SNTG1: variants seen among roughly 807,000 people sequenced by gnomAD.
SNTG1 encodes the protein gamma-1-syntrophin.
A neutral mutation model predicts 74.7 loss-of-function variants in SNTG1; 39 were observed. That is an observed-to-expected ratio of 0.52 (90% CI 0.40 to 0.68). The LOEUF is 0.68. Ranked by LOEUF, SNTG1 falls within the 30% of genes least tolerant of loss-of-function variation. The pLI, the probability that SNTG1 is intolerant of heterozygous loss-of-function variation, is 0.00. For missense variants in SNTG1, 685 were observed against 609.5 expected (o/e 1.12, Z -1.30); for synonymous variants, 254 against 217.1 (o/e 1.17, Z -1.49).
chr8:50,148,200 C>T lies in SNTG1; in HGVS notation c.-102-24361C>T, dbSNP rs537669665. ...AAATAAACATACATGAATATGAATTCATACTGGTATAAAAATGATTATGAA... is the reference window on the plus strand; with the variant it reads ...AAATAAACATACATGAATATGAATTTATACTGGTATAAAAATGATTATGAA... On this transcript the variant is annotated intron_variant, in intron 1 of 18. Coordinates refer to ENST00000642720, the MANE Select transcript of SNTG1 (RefSeq NM_018967.5). Among the ~76,000 whole-genome samples the T allele has an allele frequency of 3.3e-5, 5 of 152,004 alleles. No individual in the cohort carries two copies. The South Asian group carries it at 1.0e-3, about 32-fold the overall frequency.
At chr8:50,241,850 A>G (rs1187719511) in intron 2 of SNTG1, among the ~76,000 whole-genome samples, 2 of 152,094 alleles carry the variant, frequency 1.3e-5, no homozygotes, top group African/African-American at 4.8e-5. Context: ...CGCAGGTAGA[A>G]CTTGGGAAGC....
chr8:50,104,392 G>C (rs2080280679), intron 1 of SNTG1, among the ~76,000 whole-genome samples: 1 of 152,086 alleles, frequency 6.6e-6, no homozygotes, highest in Non-Finnish European at 1.5e-5. Flanking sequence ...GTATTTCTGT[G>C]GGATCGGTGC....
chr8:49,961,794 T>C (rs988740281), intron 1 of SNTG1, among the ~76,000 whole-genome samples: 3 of 152,182 alleles, frequency 2.0e-5, no homozygotes, highest in Admixed American at 6.5e-5. Flanking sequence ...AATTTGGAAC[T>C]CCTGTCACCC....
chr8:50,780,164 CT>C (rs1037348001), intron 18 of SNTG1, among the ~76,000 whole-genome samples: 8 of 152,114 alleles, frequency 5.3e-5, no homozygotes, highest in African/African-American at 1.7e-4. Context: ...CTAAAATTCT[CT>C]TTTTTGGTTA....
intron 13 of SNTG1, among the ~76,000 whole-genome samples, chr8:50,599,353 G>A (rs2094755897): frequency 6.6e-6 from 1 of 151,854 alleles, no homozygotes; most frequent in African/African-American, 2.4e-5. Flanking sequence ...TGGATATTTT[G>A]TGGTTCCAAA....
intron 2 of SNTG1, among the ~76,000 whole-genome samples, chr8:50,350,875 G>C (rs1329257288): frequency 5.9e-5 from 9 of 152,178 alleles, no homozygotes; most frequent in Admixed American, 1.3e-4. Flanking sequence ...GCAGGATGTG[G>C]GTGGGGCCAG....
At chr8:49,921,089 CCTAT>C (rs1374434077) in intron 1 of SNTG1, among the ~76,000 whole-genome samples, 2 of 151,990 alleles carry the variant, frequency 1.3e-5, no homozygotes, top group African/African-American at 4.8e-5. Context: ...TAAAACCTGA[CCTAT>C]CTAACTCAGA....
chr8:50,355,968 C>G (rs1384626584), intron 2 of SNTG1, among the ~76,000 whole-genome samples: 3 of 152,128 alleles, frequency 2.0e-5, no homozygotes, highest in African/African-American at 7.2e-5. Flanking sequence ...TCACAACACC[C>G]CATGTAATAT....
At chr8:50,303,981 G>C (rs1486614203) in intron 2 of SNTG1, among the ~76,000 whole-genome samples, 6 of 152,110 alleles carry the variant, frequency 3.9e-5, no homozygotes, top group Admixed American at 3.9e-4. Flanking sequence ...AAACAGATAT[G>C]TTTGCACTTT....
intron 1 of SNTG1, among the ~76,000 whole-genome samples, chr8:49,967,106 G>T (rs2220157): frequency 2.6e-5 from 4 of 151,980 alleles, no homozygotes; most frequent in Non-Finnish European, 5.9e-5. Flanking sequence ...TCCCAAGGGC[G>T]TAAGTATTTT....
At chr8:50,064,217 A>G (rs1298126750) in intron 1 of SNTG1, among the ~76,000 whole-genome samples, 1 of 152,224 alleles carries the variant, frequency 6.6e-6, no homozygotes, top group Non-Finnish European at 1.5e-5. Context: ...TGACTAAAAC[A>G]GAAGCTTTGA....
At chr8:50,373,319 C>A (rs1006714843) in intron 2 of SNTG1, among the ~76,000 whole-genome samples, 2 of 152,156 alleles carry the variant, frequency 1.3e-5, no homozygotes, top group African/African-American at 4.8e-5. Flanking sequence ...ATGTTATGAG[C>A]TCAAATATGG....
chr8:50,723,339 C>A (rs1383319297), intron 17 of SNTG1, among the ~76,000 whole-genome samples: 1 of 152,150 alleles, frequency 6.6e-6, no homozygotes, highest in Non-Finnish European at 1.5e-5. Context: ...CCAAGTTCAG[C>A]AAATTAAGAC....
At chr8:50,625,114 A>G (rs1585880889) in intron 13 of SNTG1, among the ~76,000 whole-genome samples, 1 of 152,290 alleles carries the variant, frequency 6.6e-6, no homozygotes, top group East Asian at 1.9e-4. Context: ...CTCTTCACAT[A>G]TATTATCTCA....
At chr8:50,621,588 A>G (rs2094923721) in intron 13 of SNTG1, among the ~76,000 whole-genome samples, 2 of 152,234 alleles carry the variant, frequency 1.3e-5, no homozygotes, top group Non-Finnish European at 2.9e-5. Context: ...AGTAAGCACT[A>G]ATACAAACTT....
At chr8:50,348,878 T>C (rs1292508183) in intron 2 of SNTG1, among the ~76,000 whole-genome samples, 2 of 152,212 alleles carry the variant, frequency 1.3e-5, no homozygotes, top group African/African-American at 2.4e-5. Context: ...TCAATAACCC[T>C]GCTGGGCTGG....
chr8:50,530,991 G>C (rs1019717099), intron 10 of SNTG1, among the ~76,000 whole-genome samples: 1 of 152,152 alleles, frequency 6.6e-6, no homozygotes, highest in African/African-American at 2.4e-5. Context: ...GTGACGTTAA[G>C]CAGAATTTTA....
At chr8:50,519,567 C>T (rs375791964) in intron 9 of SNTG1, among the ~76,000 whole-genome samples, 1 of 152,162 alleles carries the variant, frequency 6.6e-6, no homozygotes, top group African/African-American at 2.4e-5. Context: ...ATTATCTCAG[C>T]CCTAAATCTC....
At chr8:50,591,340 T>A (rs113576924) in intron 13 of SNTG1, among the ~76,000 whole-genome samples, 1,909 of 152,270 alleles carry the variant, frequency 0.013, 45 homozygotes, top group African/African-American at 0.042. Flanking sequence ...TAATTTTGAT[T>A]ATTCAGTTCT....
Sources: allele counts gnomAD v4.1 joint callset (sites outside exome capture counted in the v4.1 genomes callset), GRCh38; gene constraint gnomAD v4.1.1; transcripts MANE v1.5; gene names NCBI Gene and HGNC (gene_info 2026-07-23, HGNC 2026-07-21).